The following AIG1 variants were observed in gnomAD, a reference collection of about 807,000 sequenced individuals.
The protein encoded by AIG1 is androgen induced 1, also known as androgen-induced gene 1 protein.
In AIG1, 23 loss-of-function variants were observed where a neutral mutation model predicts 31.4. That is an observed-to-expected ratio of 0.73 (90% CI 0.53 to 1.04). The LOEUF (loss-of-function observed/expected upper bound fraction) is 1.04, where lower values mean the gene tolerates loss of function less well. AIG1 is among the 50% of genes least tolerant of loss of function. AIG1 has a pLI of 0.00. For missense variants in AIG1, 274 were observed against 295.0 expected, an observed-to-expected ratio of 0.93 and a Z score of 0.52; for synonymous variants, 100 against 110.5, an observed-to-expected ratio of 0.90 and a Z score of 0.60.
intron 4 of AIG1, among the ~76,000 whole-genome samples, chr6:143,305,468 T>G (rs1222303032): frequency 6.6e-6 from 1 of 152,214 alleles, no homozygotes; most frequent in East Asian, 1.9e-4. Context: ...ATTTCTGCCT[T>G]CATTTTGTTA....
chr6:143,343,009 T>A, downstream of AIG1: 1 of 892,058 alleles, frequency 1.1e-6, no homozygotes, highest in Non-Finnish European at 1.9e-6. Context: ...AGGTGTTATT[T>A]CCAATTTTGT....
chr6:143,104,054 A>G (rs1436510663), intron 1 of AIG1, among the ~76,000 whole-genome samples: 2 of 152,296 alleles, frequency 1.3e-5, no homozygotes, highest in East Asian at 3.9e-4. Context: ...TTTTTATTTT[A>G]ATCAACCACA....
At chr6:143,121,438 T>G (rs1422666271) in intron 1 of AIG1, among the ~76,000 whole-genome samples, 1 of 152,244 alleles carries the variant, frequency 6.6e-6, no homozygotes. Context: ...AACTTTACAT[T>G]ACATAATCCT....
At chr6:143,318,563 T>C (rs1220516163) in intron 4 of AIG1, among the ~76,000 whole-genome samples, 2 of 152,058 alleles carry the variant, frequency 1.3e-5, no homozygotes, top group African/African-American at 4.8e-5. Context: ...CTTCTAGATA[T>C]TAGCTTAGGC....
intron 3 of AIG1, among the ~76,000 whole-genome samples, chr6:143,244,728 T>C (rs969600560): frequency 3.3e-5 from 5 of 152,244 alleles, no homozygotes; most frequent in African/African-American, 1.2e-4. Flanking sequence ...GCAGGCTCTT[T>C]AGAGAAATCT....
At chr6:143,260,907 A>ACC (rs59252728) in intron 3 of AIG1, among the ~76,000 whole-genome samples, 61 of 151,206 alleles carry the variant, frequency 4.0e-4, no homozygotes, top group African/African-American at 1.2e-3. Context: ...ATTCCCCTTC[A>ACC]CCCCCCCGCC....
rs188311843 is a variant in AIG1 at position 143,252,411 on chromosome 6, A to G, written c.400-31699A>G. 3.9e-5 allele frequency among the ~76,000 whole-genome samples: 6 copies of G among 152,302 alleles called. No homozygotes were observed. The East Asian group carries it at 7.7e-4, about 20-fold the overall frequency. Reference sequence around the variant, plus strand: ...GCTGGGATTACAGACGTGAGGGTCCATATTTCTCTTAACGCACAGTACAGA... The same window carrying G: ...GCTGGGATTACAGACGTGAGGGTCCGTATTTCTCTTAACGCACAGTACAGA... On this transcript the variant is annotated intron_variant, in intron 3 of 5. Coordinates refer to ENST00000357847, the MANE Select transcript of AIG1 (RefSeq NM_016108.4).
rs1237052000 is a variant in AIG1 at position 143,338,172 on chromosome 6, G to C, written c.680-1467G>C. The C allele has an allele frequency of 7.6e-6, 3 of 396,414 alleles. No homozygotes were observed. Among genetic ancestry groups the C allele is most frequent in the Admixed American group, 4.4e-5 (1 of 22,672 alleles). The allele number at this position is 396,414 out of a possible 1,614,324, so 24.6% of individuals were successfully genotyped here. A position where few individuals can be genotyped will look rare whatever the true frequency, so the allele number is the denominator to read the frequency against. On this transcript the variant is annotated intron_variant, in intron 5 of 5. Coordinates refer to ENST00000357847, the MANE Select transcript of AIG1 (RefSeq NM_016108.4). The surrounding 1 kb of genome is among the most constrained non-coding windows in gnomAD (Gnocchi z 4.3). ...CCCCTGATAGCTTCTCCACAGGAGA[G>C]GGAATATGGACAGAGCTGAGGTTCA...
At chr6:143,289,320 G>A (rs1055267277) in intron 4 of AIG1, among the ~76,000 whole-genome samples, 4 of 152,098 alleles carry the variant, frequency 2.6e-5, no homozygotes, top group Non-Finnish European at 5.9e-5. Flanking sequence ...TTGAAATGTG[G>A]AATCTTATTG....
chr6:143,335,853 G>T (rs777734986), intron 5 of AIG1, among the ~76,000 whole-genome samples: 12 of 150,926 alleles, frequency 8.0e-5, no homozygotes, highest in African/African-American at 2.9e-4. Context: ...GGAGGCTAAG[G>T]CACGAGAATC....
rs59269430 is a variant in AIG1 at position 143,194,829 on chromosome 6, T to A, written c.399+29646T>A. Among the ~76,000 whole-genome samples, 498 of 152,286 alleles carry A rather than the reference T, an allele frequency of 3.3e-3. 2 individuals are homozygous for A. Among genetic ancestry groups the A allele is most frequent in the African/African-American group, 0.012 (483 of 41,566 alleles). On this transcript the variant is annotated intron_variant, in intron 3 of 5. Coordinates refer to ENST00000357847, the MANE Select transcript of AIG1 (RefSeq NM_016108.4). The stretch of plus-strand genomic sequence containing the variant: ...AGCACCCCAAGGCTCTCTGGGCACA[T>A]CTGCAGCTCTCTAGACCAGAACCAT...
rs988655191 is a variant in AIG1, at chr6:143,334,771, A to G, written c.679+1326A>G. On this transcript the variant is annotated intron_variant, in intron 5 of 5. Transcript: ENST00000357847. The surrounding 1 kb of genome is among the most constrained non-coding windows in gnomAD (Gnocchi z 5.1). ...ATTTAAACTTAAACGAATGTGTCCAATATATGTTATTCAGGAAGTACTTAA... is the reference window on the plus strand; with the variant it reads ...ATTTAAACTTAAACGAATGTGTCCAGTATATGTTATTCAGGAAGTACTTAA... 1.3e-5 allele frequency among the ~76,000 whole-genome samples: 2 copies of G among 152,174 alleles called. No individual in the cohort carries two copies. The highest frequency in any genetic ancestry group is 2.9e-5 in the Non-Finnish European group (2 of 68,044).
chr6:143,226,006 G>T (rs1193604102), intron 3 of AIG1, among the ~76,000 whole-genome samples: 1 of 152,092 alleles, frequency 6.6e-6, no homozygotes, highest in Non-Finnish European at 1.5e-5. Flanking sequence ...AAAAAAAATT[G>T]CTCCAGATCT....
chr6:143,115,286 C>T (rs1781641871), intron 1 of AIG1, among the ~76,000 whole-genome samples: 2 of 152,098 alleles, frequency 1.3e-5, no homozygotes, highest in African/African-American at 2.4e-5. Flanking sequence ...AAATTCCATC[C>T]CTGAAAGATT....
chr6:143,081,055 G>A (rs1256063349), intron 1 of AIG1, among the ~76,000 whole-genome samples: 2 of 152,174 alleles, frequency 1.3e-5, no homozygotes, highest in Non-Finnish European at 1.5e-5. Context: ...TCAAGCACAA[G>A]GTCATTGGTT....
At chr6:143,082,062 C>T (rs777615340) in intron 1 of AIG1, among the ~76,000 whole-genome samples, 3 of 152,080 alleles carry the variant, frequency 2.0e-5, no homozygotes, top group Admixed American at 6.5e-5. Context: ...ATGTTTGATA[C>T]GTGTTCCCTC....
chr6:143,192,047 A>G (rs1789835312), intron 3 of AIG1, among the ~76,000 whole-genome samples: 1 of 152,240 alleles, frequency 6.6e-6, no homozygotes, highest in African/African-American at 2.4e-5. Context: ...AAACTTGTAG[A>G]TGTAAAAAAC....
chr6:143,085,283 T>C (rs1252397100), intron 1 of AIG1, among the ~76,000 whole-genome samples: 1 of 152,142 alleles, frequency 6.6e-6, no homozygotes, highest in Non-Finnish European at 1.5e-5. Flanking sequence ...CCCCTAGTCA[T>C]TTTCTGATGA....
At chr6:143,064,435 C>T (rs1215484039) in intron 1 of AIG1, among the ~76,000 whole-genome samples, 1 of 152,172 alleles carries the variant, frequency 6.6e-6, no homozygotes, top group Non-Finnish European at 1.5e-5. Context: ...AATGGTTTTC[C>T]TCCTAGAGTT....
Sources: gnomAD v4.1 joint callset for allele counts (sites outside exome capture counted in the v4.1 genomes callset) on GRCh38, gnomAD v4.1.1 for gene constraint, Gnocchi (gnomAD v3.1) non-coding constraint, MANE v1.5 for transcripts, NCBI Gene and HGNC (gene_info 2026-07-23, HGNC 2026-07-21) for gene names.